COL5A1: variants seen among roughly 807,000 people sequenced by gnomAD.
COL5A1 encodes collagen type V alpha 1 chain.
COL5A1 carries 16 observed loss-of-function variants against 263.7 expected under a neutral mutation model. The observed-to-expected ratio is 0.06, with a 90% confidence interval of 0.04 to 0.09. The LOEUF (loss-of-function observed/expected upper bound fraction) is 0.09, where lower values mean the gene tolerates loss of function less well. Ranked by LOEUF, COL5A1 falls within the 10% of genes least tolerant of loss-of-function variation. The pLI is 1.00. For missense variants in COL5A1, 2,036 were observed against 2,540.5 expected, an observed-to-expected ratio of 0.80 and a Z score of 4.27; for synonymous variants, 1,012 against 1,004.5, an observed-to-expected ratio of 1.01 and a Z score of -0.14.
intron 18 of COL5A1, among the ~76,000 whole-genome samples, chr9:134,760,911 A>G (rs1028244429): frequency 8.1e-5 from 12 of 149,048 alleles, no homozygotes; most frequent in Middle Eastern, 7.2e-3. Flanking sequence ...ACACACATGC[A>G]CACACACACG....
chr9:134,808,907 C>T (rs1838404331), intron 42 of COL5A1: 1 of 530,898 alleles, frequency 1.9e-6, no homozygotes, highest in Non-Finnish European at 3.4e-6. Flanking sequence ...CTCTACTGCT[C>T]ACTAACTGTG....
intron 1 of COL5A1, among the ~76,000 whole-genome samples, chr9:134,650,034 G>T (rs891546775): frequency 3.3e-5 from 5 of 151,614 alleles, no homozygotes; most frequent in Non-Finnish European, 7.4e-5. Context: ...AGGGCCTGTT[G>T]GGGGGTGGGG....
At chr9:134,828,225 A>G (rs1424786519) in intron 63 of COL5A1, among the ~76,000 whole-genome samples, 1 of 152,106 alleles carries the variant, frequency 6.6e-6, no homozygotes, top group Non-Finnish European at 1.5e-5. Flanking sequence ...CCACCCATCC[A>G]TCCGTGGCGT....
rs1838845170 is a variant in COL5A1 at position 134,818,307 on chromosome 9, T to A, written c.4231-349T>A. The stretch of plus-strand genomic sequence containing the variant: ...GGAGGCTATTCTGTCAGTGAGGTGA[T>A]GGCGGCCCGGCCTGGCACTGTCTGC... On this transcript the variant is annotated intron_variant, in intron 54 of 65. Coordinates refer to ENST00000371817, the MANE Select transcript of COL5A1 (RefSeq NM_000093.5). This position sits in a 1 kb window ranked among gnomAD's most constrained non-coding sequence, Gnocchi z 6.0. Among the ~76,000 whole-genome samples the A allele has an allele frequency of 6.6e-6, 1 of 152,148 alleles. No homozygotes were observed. The highest frequency in any genetic ancestry group is 2.4e-5 in the African/African-American group (1 of 41,430).
chr9:134,704,294 G>A (rs1027966743), intron 4 of COL5A1, among the ~76,000 whole-genome samples: 3 of 152,100 alleles, frequency 2.0e-5, no homozygotes, highest in South Asian at 2.1e-4. Context: ...AGTACCCGCC[G>A]CAGTTTTGTG....
intron 4 of COL5A1, among the ~76,000 whole-genome samples, chr9:134,714,471 T>TG (rs1588463681): frequency 2.6e-5 from 2 of 78,012 alleles, no homozygotes; most frequent in Non-Finnish European, 2.5e-5. Context: ...ATGGTGGTTG[T>TG]GATGGTGTGA....
At chr9:134,674,275 C>T (rs1832626706) in intron 1 of COL5A1, among the ~76,000 whole-genome samples, 1 of 152,160 alleles carries the variant, frequency 6.6e-6, no homozygotes, top group Non-Finnish European at 1.5e-5. Context: ...AAGTGCCCAC[C>T]TGGTACGGGG....
In COL5A1 at chr9:134,765,042, G is replaced by C. The variant is rs547270662; in HGVS notation, c.2035-639G>C. 6.6e-6 allele frequency among the ~76,000 whole-genome samples: 1 copy of C among 151,788 alleles called. No individual in the cohort carries two copies. The highest frequency in any genetic ancestry group is 1.5e-5 in the Non-Finnish European group (1 of 67,942). On this transcript the variant is annotated intron_variant, in intron 20 of 65. Coordinates refer to ENST00000371817, the MANE Select transcript of COL5A1 (RefSeq NM_000093.5). This position sits in a 1 kb window ranked among gnomAD's most constrained non-coding sequence, Gnocchi z 5.1. ...GTGCCCTGTGGCAGGCAGTTCTCCC[G>C]GAATCTCACTCCACCTGCGGTAAAG... is the stretch of plus-strand genomic sequence containing the variant.
chr9:134,735,800 C>G (rs1835074994), intron 9 of COL5A1, among the ~76,000 whole-genome samples: 4 of 152,234 alleles, frequency 2.6e-5, no homozygotes, highest in Admixed American at 2.6e-4. Context: ...TGGATGAGCT[C>G]TCTGTGTACA....
rs868812226 is a variant in COL5A1, at chr9:134,758,442, G to A, written c.1935+146G>A. 1.0e-4 allele frequency: 79 copies of A among 785,342 alleles called. 1 individual carries two copies. The Middle Eastern group carries it at 7.6e-3, about 76-fold the overall frequency. 48.6% of individuals were successfully genotyped at this position (785,342 alleles called of 1,614,324 possible). On this transcript the variant is annotated intron_variant, in intron 18 of 65. Transcript: ENST00000371817. This position sits in a 1 kb window ranked among gnomAD's most constrained non-coding sequence, Gnocchi z 4.1. ...CAGTCAGTATACAAACCTCACGGGAGTCAGCAATGGCAGTGAGCCCCAAGA... is the reference window on the plus strand; with the variant it reads ...CAGTCAGTATACAAACCTCACGGGAATCAGCAATGGCAGTGAGCCCCAAGA...
chr9:134,748,326 C>T (rs982638571), intron 11 of COL5A1, among the ~76,000 whole-genome samples: 5 of 152,036 alleles, frequency 3.3e-5, no homozygotes, highest in Admixed American at 1.3e-4. Flanking sequence ...CACATACATG[C>T]ACACACATGC....
rs1198283460 is a variant in COL5A1, at chr9:134,805,141, A to G, written c.3205-20A>G. The G allele has an allele frequency of 1.9e-6, 3 of 1,613,970 alleles. No individual in the cohort carries two copies. Among genetic ancestry groups the G allele is most frequent in the East Asian group, 2.2e-5 (1 of 44,866 alleles). The stretch of plus-strand genomic sequence containing the variant: ...GCCTCTCCCCACGTGCCCTTGACCA[A>G]CCTTTTCATGGCTTTGCAGGGAGCT... On this transcript the variant is annotated intron_variant, in intron 40 of 65. Transcript: ENST00000371817.
At position 134,842,442 on chromosome 9, in the gene COL5A1, C is replaced by G; in HGVS notation, c.*139C>G. The G allele has an allele frequency of 9.4e-7, 1 of 1,059,256 alleles. No individual in the cohort carries two copies. The highest frequency in any genetic ancestry group is 1.4e-6 in the Non-Finnish European group (1 of 719,444). 65.6% of individuals were successfully genotyped at this position (1,059,256 alleles called of 1,614,324 possible). The stretch of plus-strand genomic sequence containing the variant: ...CCACCTGACTTCATCTACGCCTCGG[C>G]ACCACGGGGTGTGGGACCCCAGCCC... On this transcript the variant is annotated 3_prime_UTR_variant, in exon 66 of 66. Transcript: ENST00000371817. The surrounding 1 kb of genome is among the most constrained non-coding windows in gnomAD (Gnocchi z 5.8).
intron 1 of COL5A1, among the ~76,000 whole-genome samples, chr9:134,656,031 C>G (rs1253741100): frequency 6.6e-6 from 1 of 152,182 alleles, no homozygotes; most frequent in Non-Finnish European, 1.5e-5. Flanking sequence ...GCAGGTCCAG[C>G]TTCCTGCAGG....
chr9:134,654,230 GA>G (rs1831816024), intron 1 of COL5A1, among the ~76,000 whole-genome samples: 3 of 142,904 alleles, frequency 2.1e-5, no homozygotes, highest in East Asian at 2.2e-4. Flanking sequence ...TGTAGGGCTG[GA>G]GGTGTGTAGG....
intron 1 of COL5A1, among the ~76,000 whole-genome samples, chr9:134,654,374 GGGTGTAT>G (rs1831831391): frequency 7.4e-6 from 1 of 135,124 alleles, no homozygotes; most frequent in Non-Finnish European, 1.6e-5. Flanking sequence ...TGTAGGGCTG[GGGTGTAT>G]AGTGCTGAGA....
chr9:134,704,102 G>T (rs986659121), intron 4 of COL5A1, among the ~76,000 whole-genome samples: 1 of 152,086 alleles, frequency 6.6e-6, no homozygotes, highest in African/African-American at 2.4e-5. Flanking sequence ...TAACTGAGCA[G>T]GAAAAGCTGT....
chr9:134,777,346 G>A (rs1395854616), intron 27 of COL5A1, among the ~76,000 whole-genome samples: 10 of 152,210 alleles, frequency 6.6e-5, no homozygotes, highest in Admixed American at 5.2e-4. Flanking sequence ...CTGGCCGGCC[G>A]AGTCACGGAT....
chr9:134,666,051 C>T (rs1832345078), intron 1 of COL5A1, among the ~76,000 whole-genome samples: 2 of 152,144 alleles, frequency 1.3e-5, no homozygotes, highest in African/African-American at 4.8e-5. Flanking sequence ...CGCGCCACTG[C>T]ACTCCAGCCT....
Sources: gnomAD v4.1 joint callset for allele counts (sites outside exome capture counted in the v4.1 genomes callset) on GRCh38, gnomAD v4.1.1 for gene constraint, Gnocchi (gnomAD v3.1) non-coding constraint, MANE v1.5 for transcripts, NCBI Gene and HGNC (gene_info 2026-07-23, HGNC 2026-07-21) for gene names.